The following RALYL variants were observed in gnomAD, a reference collection of about 807,000 sequenced individuals.
RALYL encodes RALY RNA binding protein like.
In RALYL, 29 loss-of-function variants were observed where a neutral mutation model predicts 35.1. The observed-to-expected ratio is 0.83, with a 90% CI of 0.61 to 1.13. The LOEUF (loss-of-function observed/expected upper bound fraction) is 1.13. Ranked by LOEUF, RALYL falls within the 50% of genes most tolerant of loss-of-function variation. The pLI is 0.00. For missense variants in RALYL, 359 were observed against 360.4 expected (o/e 1.00, Z 0.03); for synonymous variants, 120 against 127.6 (o/e 0.94, Z 0.40).
At chr8:84,263,163 A>G (rs772503529) in intron 1 of RALYL, among the ~76,000 whole-genome samples, 1 of 152,154 alleles carries the variant, frequency 6.6e-6, no homozygotes, top group Non-Finnish European at 1.5e-5. Flanking sequence ...AAAGTGTGAA[A>G]TTTTGGTCTT....
intron 2 of RALYL, among the ~76,000 whole-genome samples, chr8:84,720,717 G>A (rs1004360315): frequency 6.6e-6 from 1 of 151,966 alleles, no homozygotes; most frequent in East Asian, 1.9e-4. Context: ...ACAGAATGAT[G>A]GAGAATATTT....
intron 1 of RALYL, among the ~76,000 whole-genome samples, chr8:84,236,125 A>C (rs1300458056): frequency 6.6e-6 from 1 of 152,184 alleles, no homozygotes; most frequent in Non-Finnish European, 1.5e-5. Context: ...TAGTTTAATT[A>C]TATGACATCC....
rs1232976645 is a variant in RALYL at position 84,889,569 on chromosome 8, T to A, written c.858+1793T>A. Among the ~76,000 whole-genome samples, 6 of 152,310 alleles carry A rather than the reference T, an allele frequency of 3.9e-5. No homozygotes were observed. In the South Asian group the frequency reaches 1.0e-3, roughly 26 times the overall value. ...TCTCTTTCTACACCCTGTCCCAAGATGTCTTCATCAAATACTAGAGCGTTA... is the reference window on the plus strand; with the variant it reads ...TCTCTTTCTACACCCTGTCCCAAGAAGTCTTCATCAAATACTAGAGCGTTA... On this transcript the variant is annotated intron_variant, in intron 8 of 8. Coordinates refer to ENST00000521268, the MANE Select transcript of RALYL (RefSeq NM_173848.7).
intron 2 of RALYL, among the ~76,000 whole-genome samples, chr8:84,713,886 T>C (rs1274940669): frequency 2.0e-5 from 3 of 151,272 alleles, no homozygotes; most frequent in African/African-American, 7.3e-5. Flanking sequence ...TCTCATATAA[T>C]ATATAAATAT....
At chr8:84,685,230 A>G (rs1231688758) in intron 2 of RALYL, among the ~76,000 whole-genome samples, 1 of 152,118 alleles carries the variant, frequency 6.6e-6, no homozygotes, top group East Asian at 1.9e-4. Context: ...AGCAGCCGTG[A>G]GGTGAAATCA....
chr8:84,729,434 A>T (rs1469474527), intron 2 of RALYL, among the ~76,000 whole-genome samples: 1 of 152,066 alleles, frequency 6.6e-6, no homozygotes, highest in African/African-American at 2.4e-5. Flanking sequence ...GAAAGCAGGA[A>T]AGATCCAAAA....
intron 2 of RALYL, among the ~76,000 whole-genome samples, chr8:84,690,698 G>A (rs563456797): frequency 2.0e-5 from 3 of 151,900 alleles, no homozygotes; most frequent in Non-Finnish European, 2.9e-5. Context: ...CTAAGGTAAA[G>A]GAACTATTGT....
At chr8:84,735,057 T>A (rs1466921337) in intron 2 of RALYL, among the ~76,000 whole-genome samples, 1 of 150,098 alleles carries the variant, frequency 6.7e-6, no homozygotes, top group Admixed American at 6.7e-5. Flanking sequence ...TACCTGAAAG[T>A]TCAGTCACAT....
intron 2 of RALYL, among the ~76,000 whole-genome samples, chr8:84,534,698 A>G (rs867661205): frequency 1.7e-4 from 26 of 152,240 alleles, no homozygotes; most frequent in South Asian, 4.1e-4. Flanking sequence ...GAGGAGGAGA[A>G]ATAAGAAGAG....
rs190251740 is a variant in RALYL at position 84,910,777 on chromosome 8, T to C, written c.859-10117T>C. On this transcript the variant is annotated intron_variant, in intron 8 of 8. Coordinates refer to ENST00000521268, the MANE Select transcript of RALYL (RefSeq NM_173848.7). ...AATATCATCTGTTTTTTTAAATCAT[T>C]TACCTTTGCTATAGGAAAAATAATA... Among the ~76,000 whole-genome samples, 949 of 151,896 alleles carry C rather than the reference T, an allele frequency of 6.2e-3. 5 individuals are homozygous for C. The highest frequency in any genetic ancestry group is 1.0e-2 in the Non-Finnish European group (677 of 67,916).
At position 84,380,869 on chromosome 8, in the gene RALYL, G is replaced by T. The variant is rs543452042; in HGVS notation, c.-23-148430G>T. On this transcript the variant is annotated intron_variant, in intron 1 of 8. Coordinates refer to ENST00000521268, the MANE Select transcript of RALYL (RefSeq NM_173848.7). ...GCATGATCTATGCATTGAGAAGTAG[G>T]TTACCTGCAGCAAGGGCTCCGTAAC... is the stretch of plus-strand genomic sequence containing the variant. 1.8e-3 allele frequency among the ~76,000 whole-genome samples: 280 copies of T among 151,948 alleles called. 2 individuals carry two copies. Among genetic ancestry groups the T allele is most frequent in the Non-Finnish European group, 8.1e-4 (55 of 67,896 alleles).
Position 84,856,137 on chromosome 8 carries a change from A to G in RALYL, c.413+6110A>G, listed in dbSNP as rs142659984. Among the ~76,000 whole-genome samples the G allele has an allele frequency of 2.0e-5, 3 of 152,338 alleles. No individual in the cohort carries two copies. The East Asian group carries it at 5.8e-4, about 29-fold the overall frequency. Reference sequence around the variant, plus strand: ...AAATGTTTGAAAATAACAGCATGGTACACTTGACAAATGGTATTATTTGGA... The same window carrying G: ...AAATGTTTGAAAATAACAGCATGGTGCACTTGACAAATGGTATTATTTGGA... On this transcript the variant is annotated intron_variant, in intron 5 of 8. Transcript: ENST00000521268.
At chr8:84,718,920 C>A (rs186843600) in intron 2 of RALYL, among the ~76,000 whole-genome samples, 91 of 152,094 alleles carry the variant, frequency 6.0e-4, no homozygotes, top group African/African-American at 2.1e-3. Context: ...ACTGAAAATT[C>A]TTTCTGTTCT....
At position 84,311,090 on chromosome 8, in the gene RALYL, A is replaced by AAAAAAATAT. The variant is rs1554614840; in HGVS notation, c.-24+126667_-24+126668insAAAAATATA. 5.6e-4 allele frequency among the ~76,000 whole-genome samples: 56 copies of AAAAAAATAT among 99,768 alleles called. 1 individual carries two copies. Among genetic ancestry groups the AAAAAAATAT allele is most frequent in the East Asian group, 2.1e-3 (6 of 2,856 alleles). 65.5% of individuals were successfully genotyped at this position (99,768 alleles called of 152,430 possible). On this transcript the variant is annotated intron_variant, in intron 1 of 8. Coordinates refer to ENST00000521268, the MANE Select transcript of RALYL (RefSeq NM_173848.7). ...AAAAAAAAAAAAAAAAAAAAAAAAAAATGTATATTAATGTATAGTATAAAT... is the reference window on the plus strand; with the variant it reads ...AAAAAAAAAAAAAAAAAAAAAAAAAAAAAAAATATATGTATATTAATGTATAGTATAAAT...
At chr8:84,425,411 C>T (rs556157289) in intron 1 of RALYL, among the ~76,000 whole-genome samples, 26 of 152,148 alleles carry the variant, frequency 1.7e-4, no homozygotes, top group Non-Finnish European at 1.0e-4. Flanking sequence ...CTTCGGCTCG[C>T]GCACGGTGCG....
At chr8:84,569,637 G>C (rs1001326348) in intron 2 of RALYL, among the ~76,000 whole-genome samples, 1 of 151,426 alleles carries the variant, frequency 6.6e-6, no homozygotes, top group Admixed American at 6.6e-5. Flanking sequence ...TTACTTTTAG[G>C]GTCTTCATTA....
chr8:84,400,971 A>G (rs2042831277), intron 1 of RALYL, among the ~76,000 whole-genome samples: 1 of 152,168 alleles, frequency 6.6e-6, no homozygotes, highest in Admixed American at 6.5e-5. Context: ...ATGACTCATC[A>G]ACTTAGTTAT....
At chr8:84,812,792 G>T (rs1826220395) in intron 4 of RALYL, among the ~76,000 whole-genome samples, 1 of 152,172 alleles carries the variant, frequency 6.6e-6, no homozygotes, top group East Asian at 1.9e-4. Context: ...AAGTTGGTTT[G>T]CAGGCAGTGG....
chr8:84,816,032 C>CAAAAAAAAAAAA (rs5892931), intron 4 of RALYL, among the ~76,000 whole-genome samples: 110 of 84,038 alleles, frequency 1.3e-3, no homozygotes, highest in South Asian at 1.8e-3. Context: ...GACTCTGTCT[C>CAAAAAAAAAAAA]AAAAAAAAAA....
Sources: allele counts gnomAD v4.1 joint callset (sites outside exome capture counted in the v4.1 genomes callset), GRCh38; gene constraint gnomAD v4.1.1; transcripts MANE v1.5; gene names NCBI Gene and HGNC (gene_info 2026-07-23, HGNC 2026-07-21).